COL4A5: variants seen among roughly 807,000 people sequenced by gnomAD.
COL4A5 encodes collagen alpha-5(IV) chain.
In COL4A5, 26 loss-of-function variants were observed where a neutral mutation model predicts 130.2. The observed-to-expected ratio is 0.20, with a 90% CI of 0.15 to 0.28. The LOEUF is 0.28. Among genes scored for constraint, COL4A5 ranks in the 10% least tolerant of loss-of-function variants. The pLI, the probability that COL4A5 is intolerant of heterozygous loss-of-function variation, is 1.00. For missense variants in COL4A5, 1,131 were observed against 1,344.3 expected (o/e 0.84, Z 2.48); for synonymous variants, 496 against 439.6 (o/e 1.13, Z -1.60).
intron 1 of COL4A5, among the ~76,000 whole-genome samples, chrX:108,490,650 A>G (rs1429965435): frequency 9.0e-6 from 1 of 111,624 alleles, no homozygotes; most frequent in East Asian, 2.8e-4. Flanking sequence ...AAATATTTAA[A>G]AATTTATCTT....
chrX:108,618,789 T>C (rs1263375861), intron 30 of COL4A5, among the ~76,000 whole-genome samples: 1 of 109,124 alleles, frequency 9.2e-6, no homozygotes, highest in Non-Finnish European at 1.9e-5. Context: ...TGCTGAACTG[T>C]AATTCCCTGC....
intron 29 of COL4A5, among the ~76,000 whole-genome samples, chrX:108,608,176 A>G (rs1170365547): frequency 3.6e-5 from 4 of 111,857 alleles, no homozygotes; most frequent in Non-Finnish European, 7.5e-5. Context: ...TCCACCCACA[A>G]TGTATGAGTG....
At chrX:108,694,299 G>A (rs1199269172) in intron 50 of COL4A5, 1 of 124,835 alleles carries the variant, frequency 8.0e-6, no homozygotes, top group Non-Finnish European at 1.6e-5. Flanking sequence ...CCAGCATTCT[G>A]GATATGGTGT....
At chrX:108,640,205 C>T (rs1419848123) in intron 36 of COL4A5, among the ~76,000 whole-genome samples, 4 of 111,517 alleles carry the variant, frequency 3.6e-5, no homozygotes, top group Non-Finnish European at 7.6e-5. Context: ...ATTTTTTGAC[C>T]TTAAAATGGA....
At position 108,674,804 on chromosome X, in the gene COL4A5, G is replaced by A. The variant is rs373954064; in HGVS notation, c.3808+51G>A. 26 of 1,038,149 alleles carry A rather than the reference G, an allele frequency of 2.5e-5. No individual in the cohort carries two copies. In the African/African-American group the frequency reaches 3.9e-4, roughly 15 times the overall value. 85.6% of individuals were successfully genotyped at this position (1,038,149 alleles called of 1,213,427 possible). A position where few individuals can be genotyped will look rare whatever the true frequency, so the allele number is the denominator to read the frequency against. On this transcript the variant is annotated intron_variant, in intron 43 of 52. Coordinates refer to ENST00000328300, the MANE Select transcript of COL4A5 (RefSeq NM_033380.3). ...TTTTTTTTTTTTTTTTTAATGCTTTGTGTGTGTGATAAGAGAAATGCAATT... is the reference window on the plus strand; with the variant it reads ...TTTTTTTTTTTTTTTTTAATGCTTTATGTGTGTGATAAGAGAAATGCAATT...
At chrX:108,585,522 A>G (rs746597751) in intron 18 of COL4A5, among the ~76,000 whole-genome samples, 61 of 111,293 alleles carry the variant, frequency 5.5e-4, no homozygotes, top group African/African-American at 1.8e-3. Context: ...TCCCTTTTGA[A>G]TCACTATTCC....
intron 2 of COL4A5, among the ~76,000 whole-genome samples, chrX:108,544,257 G>C (rs1192588195): frequency 8.9e-6 from 1 of 111,778 alleles, no homozygotes; most frequent in Non-Finnish European, 1.9e-5. Context: ...GTCATAGATA[G>C]CTCTTATTAT....
At chrX:108,490,111 T>G (rs779486947) in intron 1 of COL4A5, among the ~76,000 whole-genome samples, 1 of 111,912 alleles carries the variant, frequency 8.9e-6, no homozygotes, top group South Asian at 3.7e-4. Context: ...TGCCACTCTA[T>G]ATTCAGATTT....
chrX:108,460,656 A>ATTTTTT (rs751991149), intron 1 of COL4A5, among the ~76,000 whole-genome samples: 4 of 39,453 alleles, frequency 1.0e-4, no homozygotes, highest in African/African-American at 1.1e-4. Context: ...CGCCTGGCAA[A>ATTTTTT]TTTTTTTTTT....
At chrX:108,575,856 T>C in intron 9 of COL4A5, 54 bp from the exon 10 acceptor site, 2 of 879,626 alleles carry the variant, frequency 2.3e-6, no homozygotes, top group East Asian at 6.7e-5. Flanking sequence ...AAAAATACAA[T>C]AAGGGGCTTG....
chrX:108,501,894 A>G (rs1291371629), intron 1 of COL4A5, among the ~76,000 whole-genome samples: 1 of 112,088 alleles, frequency 8.9e-6, no homozygotes, highest in African/African-American at 3.3e-5. Context: ...CCCTTAGACT[A>G]TTTGAGAGGT....
intron 37 of COL4A5, among the ~76,000 whole-genome samples, chrX:108,656,331 C>T (rs943418487): frequency 8.9e-6 from 1 of 111,748 alleles, no homozygotes; most frequent in African/African-American, 3.2e-5. Flanking sequence ...TTACACGTGT[C>T]AGTAGTTTGT....
intron 1 of COL4A5, among the ~76,000 whole-genome samples, chrX:108,483,959 A>T (rs1276273536): frequency 9.0e-6 from 1 of 111,541 alleles, no homozygotes; most frequent in Non-Finnish European, 1.9e-5. Flanking sequence ...TTTTATTCAG[A>T]TTATTAGACT....
rs754266664 is a variant in COL4A5 at position 108,655,417 on chromosome X, C to T, written c.3333C>T (p.Thr1111=). 7.4e-6 allele frequency: 9 copies of T among 1,210,857 alleles called. No homozygotes were observed. The South Asian group carries it at 1.6e-4, about 21-fold the overall frequency. The change falls in exon 37 of 53, where the codon ACC becomes ACT. Residue 1111 remains threonine (T), a synonymous_variant. Coordinates refer to ENST00000328300, the MANE Select transcript of COL4A5 (RefSeq NM_033380.3). ...CTGGTTTGCCCGGATTACCAGGAACCCCTGGAGCAAAAGGACAACCAGGCC... is the reference window on the plus strand; with the variant it reads ...CTGGTTTGCCCGGATTACCAGGAACTCCTGGAGCAAAAGGACAACCAGGCC... ...GDPGLPGLPG[T]PGAKGQPGLP... is the part of the protein sequence containing the mutation.
intron 36 of COL4A5, among the ~76,000 whole-genome samples, chrX:108,654,730 A>C (rs2067803166): frequency 8.9e-6 from 1 of 112,927 alleles, no homozygotes; most frequent in Non-Finnish European, 1.9e-5. Context: ...CACAACACTC[A>C]GCCAGAAGTG....
chrX:108,530,196 A>C (rs1295733278), intron 1 of COL4A5, among the ~76,000 whole-genome samples: 2 of 111,806 alleles, frequency 1.8e-5, no homozygotes, highest in Non-Finnish European at 3.8e-5. Flanking sequence ...AAATAATATC[A>C]GTTTTCTTTT....
intron 1 of COL4A5, among the ~76,000 whole-genome samples, chrX:108,531,756 C>G (rs898856178): frequency 2.7e-5 from 3 of 111,276 alleles, no homozygotes; most frequent in Non-Finnish European, 5.7e-5. Context: ...AAAAAAGACA[C>G]TACAATTGAT....
intron 1 of COL4A5, among the ~76,000 whole-genome samples, chrX:108,494,171 G>C (rs2065015566): frequency 9.0e-6 from 1 of 111,081 alleles, no homozygotes; most frequent in Admixed American, 9.6e-5. Flanking sequence ...GAATTTCTTT[G>C]CAGGTCCAAA....
At chrX:108,523,878 C>T (rs1336409063) in intron 1 of COL4A5, among the ~76,000 whole-genome samples, 1 of 111,385 alleles carries the variant, frequency 9.0e-6, no homozygotes, top group Non-Finnish European at 1.9e-5. Context: ...TTTCACTTAA[C>T]TTTATGCTAG....
Sources: allele counts gnomAD v4.1 joint callset (sites outside exome capture counted in the v4.1 genomes callset), GRCh38; gene constraint gnomAD v4.1.1; transcripts MANE v1.5; gene names NCBI Gene and HGNC (gene_info 2026-07-23, HGNC 2026-07-21).